Variants in TTLL4 observed in about 807,000 individuals in gnomAD.
TTLL4 encodes the protein tubulin tyrosine ligase like 4, also known as tubulin monoglutamylase TTLL4.
TTLL4 carries 85 observed loss-of-function variants against 122.7 expected under a neutral mutation model. That is an observed-to-expected ratio of 0.69 (90% CI 0.58 to 0.83). The LOEUF (loss-of-function observed/expected upper bound fraction) is 0.83. Ranked by LOEUF, TTLL4 falls within the 40% of genes least tolerant of loss-of-function variation. TTLL4 has a pLI of 0.00. For missense variants in TTLL4, 1,363 were observed against 1,488.6 expected, an observed-to-expected ratio of 0.92 and a Z score of 1.39; for synonymous variants, 553 against 563.0, an observed-to-expected ratio of 0.98 and a Z score of 0.25.
downstream of TTLL4, among the ~76,000 whole-genome samples, chr2:218,755,601 C>T (rs1216023196): frequency 6.6e-6 from 1 of 152,182 alleles, no homozygotes; most frequent in Non-Finnish European, 1.5e-5. Flanking sequence ...TTAGTGGTTG[C>T]TGCTTGCCTC....
chr2:218,752,630 C>T (rs1943051418), intron 16 of TTLL4, 133 bp from the exon 17 acceptor site: 1 of 874,212 alleles, frequency 1.1e-6, no homozygotes, highest in Non-Finnish European at 1.8e-6. Flanking sequence ...CACTAGGCTG[C>T]CCTCAGTAGT....
intron 5 of TTLL4, among the ~76,000 whole-genome samples, chr2:218,742,012 G>A (rs572594300): frequency 2.6e-5 from 4 of 152,256 alleles, no homozygotes; most frequent in Non-Finnish European, 5.9e-5. Flanking sequence ...CCAGGCTAGA[G>A]TGCAGTGGAT....
intron 1 of TTLL4, 118 bp downstream of exon 1, chr2:218,711,155 C>T (rs1176083757): frequency 2.0e-5 from 3 of 152,432 alleles, no homozygotes; most frequent in African/African-American, 7.2e-5. Context: ...GCCACTCTCA[C>T]CCTAGCCCCG....
At chr2:218,734,927 A>G (rs1486094886) in intron 2 of TTLL4, among the ~76,000 whole-genome samples, 1 of 152,156 alleles carries the variant, frequency 6.6e-6, no homozygotes, top group Non-Finnish European at 1.5e-5. Context: ...GTATTTCCAT[A>G]GTTTGGATTT....
intron 2 of TTLL4, among the ~76,000 whole-genome samples, chr2:218,731,447 A>G (rs1942380675): frequency 6.6e-6 from 1 of 151,996 alleles, no homozygotes; most frequent in African/African-American, 2.4e-5. Flanking sequence ...CTCCCAAATA[A>G]CAAGACGGTT....
At chr2:218,755,473 A>G (rs1943133590), downstream of TTLL4, 1 of 152,214 alleles carries the variant, frequency 6.6e-6, no homozygotes, top group Non-Finnish European at 1.5e-5. Context: ...CACTTGAACC[A>G]GAAGTTCTAA....
At chr2:218,731,420 A>G (rs1942379805) in intron 2 of TTLL4, among the ~76,000 whole-genome samples, 1 of 152,168 alleles carries the variant, frequency 6.6e-6, no homozygotes. Flanking sequence ...CCAAAAAAAA[A>G]AAAAATTTCA....
chr2:218,711,457 T>G (rs1245293899), intron 1 of TTLL4, among the ~76,000 whole-genome samples: 1 of 152,226 alleles, frequency 6.6e-6, no homozygotes, highest in Admixed American at 6.5e-5. Flanking sequence ...CCATCCTCAG[T>G]ATCTGTAGAA....
intron 2 of TTLL4, 39 bp downstream of exon 2, chr2:218,727,386 A>G (rs932805591): frequency 6.6e-6 from 1 of 152,130 alleles, no homozygotes; most frequent in Non-Finnish European, 1.5e-5. Context: ...ATTTGTTTTA[A>G]AAATTATTAT....
At chr2:218,742,766 T>C (rs1426963639) in intron 5 of TTLL4, among the ~76,000 whole-genome samples, 1 of 152,234 alleles carries the variant, frequency 6.6e-6, no homozygotes, top group Admixed American at 6.5e-5. Context: ...CCCCATTGGG[T>C]AACATCTTGC....
intron 1 of TTLL4, among the ~76,000 whole-genome samples, chr2:218,712,417 TG>T (rs1330424561): frequency 1.3e-5 from 2 of 151,696 alleles, no homozygotes; most frequent in Non-Finnish European, 2.9e-5. Context: ...GACAGAGTCT[TG>T]CTCCGTCACC....
chr2:218,725,374 C>T (rs1381819971), intron 1 of TTLL4, among the ~76,000 whole-genome samples: 2 of 151,762 alleles, frequency 1.3e-5, no homozygotes, highest in African/African-American at 4.8e-5. Context: ...CATGTGCCAT[C>T]ATGCCTAGCT....
chr2:218,741,454 C>T (rs1554623), intron 5 of TTLL4, among the ~76,000 whole-genome samples: 80,525 of 152,090 alleles, frequency 0.53, 22,793 homozygotes, highest in African/African-American at 0.72. Flanking sequence ...TTCTCTGCCT[C>T]GTTTAGCATG....
chr2:218,726,324 A>G (rs538901549), intron 1 of TTLL4, among the ~76,000 whole-genome samples: 1 of 152,248 alleles, frequency 6.6e-6, no homozygotes, highest in South Asian at 2.1e-4. Flanking sequence ...TCCTTTTAAA[A>G]TATTGTTTGC....
At chr2:218,718,516 T>G (rs1941935799) in intron 1 of TTLL4, among the ~76,000 whole-genome samples, 1 of 152,058 alleles carries the variant, frequency 6.6e-6, no homozygotes, top group South Asian at 2.1e-4. Context: ...GTAGCTGGGA[T>G]TACAGGCATG....
In TTLL4 at chr2:218,722,240, TCAAA is replaced by T. The variant is rs1300573901; in HGVS notation, c.-177-5020_-177-5017del. 4.6e-5 allele frequency among the ~76,000 whole-genome samples: 7 copies of T among 152,200 alleles called. No individual in the cohort carries two copies. The East Asian group carries it at 9.6e-4, about 21-fold the overall frequency. ...ACCTTGGTGACCAAGTGACCTGGTC[TCAAA>T]CAAACAAAAAGAAATTAAAATTGTA... On this transcript the variant is annotated intron_variant, in intron 1 of 19. Coordinates refer to ENST00000392102, the MANE Select transcript of TTLL4 (RefSeq NM_014640.5).
rs548186206 is a variant in TTLL4, at chr2:218,730,311, C to CAAAAAAAAAAAAAAAAAAAAAAAAAAA, written c.-99+2976_-99+3002dup. 2.8e-4 allele frequency among the ~76,000 whole-genome samples: 4 copies of CAAAAAAAAAAAAAAAAAAAAAAAAAAA among 14,302 alleles called. 2 individuals are homozygous for CAAAAAAAAAAAAAAAAAAAAAAAAAAA. Among genetic ancestry groups the CAAAAAAAAAAAAAAAAAAAAAAAAAAA allele is most frequent in the Admixed American group, 2.7e-3 (2 of 752 alleles). The allele number at this position is 14,302 out of a possible 152,430, so 9.4% of individuals were successfully genotyped here. A position where few individuals can be genotyped will look rare whatever the true frequency, so the allele number is the denominator to read the frequency against. On this transcript the variant is annotated intron_variant, in intron 2 of 19. Transcript: ENST00000392102. ...TGAAACCCCATCTTTACTAAAAATC[C>CAAAAAAAAAAAAAAAAAAAAAAAAAAA]AAAAAAAAAAAAAAAAAAAAAAAAA...
intron 16 of TTLL4, 71 bp from the exon 17 acceptor site, chr2:218,752,692 C>A: frequency 6.4e-7 from 1 of 1,559,512 alleles, no homozygotes; most frequent in African/African-American, 1.4e-5. Context: ...CCCTGTTCCC[C>A]AGCTTCTTGA....
rs939346767 is a variant in TTLL4, at chr2:218,731,236, C to T, written c.-99+3889C>T. On this transcript the variant is annotated intron_variant, in intron 2 of 19. Transcript: ENST00000392102. ...GGCCAGCCTAGTCAACATAGTGAAA[C>T]CCCATCTCTACTAAAAATACAAAAA... Among the ~76,000 whole-genome samples the T allele has an allele frequency of 3.3e-5, 5 of 152,080 alleles. No homozygotes were observed. The South Asian group carries it at 1.0e-3, about 32-fold the overall frequency.
Sources: gnomAD v4.1 joint callset for allele counts (sites outside exome capture counted in the v4.1 genomes callset) on GRCh38, gnomAD v4.1.1 for gene constraint, MANE v1.5 for transcripts, NCBI Gene and HGNC (gene_info 2026-07-23, HGNC 2026-07-21) for gene names.